PTPN9: variants seen among roughly 807,000 people sequenced by gnomAD.
PTPN9 encodes protein tyrosine phosphatase non-receptor type 9.
Under a neutral mutation model 69.8 loss-of-function variants are expected in PTPN9, and 26 were observed. The ratio of observed to expected loss-of-function variants is 0.37; its 90% CI spans 0.27 to 0.52. The LOEUF is 0.52. Among genes scored for constraint, PTPN9 ranks in the 20% least tolerant of loss-of-function variants. The pLI, the probability that PTPN9 is intolerant of heterozygous loss-of-function variation, is 0.91. For synonymous variants in PTPN9, 274 were observed against 272.5 expected (o/e 1.01, Z -0.05); for missense variants, 549 against 740.3 (o/e 0.74, Z 3.00).
In PTPN9 at chr15:75,556,855, C is replaced by T. The variant is rs2075080107; in HGVS notation, c.63+21859G>A. On this transcript the variant is annotated intron_variant, in intron 1 of 12. Transcript: ENST00000618819. ...TCTGTACCCATTAAACAATAATTCC[C>T]CCTTCCCAACTTTCCACAGCCTCTG... 3.3e-5 allele frequency among the ~76,000 whole-genome samples: 5 copies of T among 152,236 alleles called. No homozygotes were observed. In the South Asian group the frequency reaches 1.0e-3, roughly 32 times the overall value.
intron 1 of PTPN9, among the ~76,000 whole-genome samples, chr15:75,531,608 A>C (rs2074964506): frequency 6.6e-6 from 1 of 150,514 alleles, no homozygotes; most frequent in Admixed American, 6.6e-5. Flanking sequence ...TTTGAGACAG[A>C]ATCTCGCTCT....
At position 75,518,717 on chromosome 15, in the gene PTPN9, T is replaced by A. The variant is rs1235544605; in HGVS notation, c.423-1353A>T. 2.0e-5 allele frequency among the ~76,000 whole-genome samples: 3 copies of A among 151,060 alleles called. No individual in the cohort carries two copies. The East Asian group carries it at 5.9e-4, about 30-fold the overall frequency. On this transcript the variant is annotated intron_variant, in intron 4 of 12. Transcript: ENST00000618819. ...CTGTAATCCCAACTACTTGGGAGGC[T>A]GAGGCAGGAGAATTGCCTGAGCCCA...
At chr15:75,473,812 T>C (rs1027349420) in intron 9 of PTPN9, 45 bp from the exon 10 acceptor site, 2 of 1,458,774 alleles carry the variant, frequency 1.4e-6, no homozygotes, top group Admixed American at 1.8e-5. Flanking sequence ...TGGGAAACAC[T>C]TTTTTTCTTT....
chr15:75,500,344 TACAC>T lies in PTPN9; in HGVS notation c.968+5327_968+5330del, dbSNP rs35248279. Among the ~76,000 whole-genome samples the T allele has an allele frequency of 8.1e-3, 1,161 of 142,546 alleles. 11 individuals carry two copies. Among genetic ancestry groups the T allele is most frequent in the Admixed American group, 0.027 (384 of 14,140 alleles). 93.5% of individuals were successfully genotyped at this position (142,546 alleles called of 152,430 possible). ...AAATAAATAAATAAACAAACATACA[TACAC>T]ACACACACACACACACACACACATA... On this transcript the variant is annotated intron_variant, in intron 7 of 12. Transcript: ENST00000618819.
chr15:75,539,816 C>T (rs1317150625), intron 1 of PTPN9, among the ~76,000 whole-genome samples: 1 of 140,170 alleles, frequency 7.1e-6, no homozygotes, highest in Admixed American at 7.5e-5. Context: ...GGATTACAGG[C>T]GCGCACCACC....
At chr15:75,542,309 C>A (rs1193146533) in intron 1 of PTPN9, among the ~76,000 whole-genome samples, 1 of 152,152 alleles carries the variant, frequency 6.6e-6, no homozygotes. Context: ...CAAAGCCCTA[C>A]AAATCTCATC....
chr15:75,512,358 C>T (rs547935419), intron 5 of PTPN9, among the ~76,000 whole-genome samples: 159 of 152,166 alleles, frequency 1.0e-3, no homozygotes, highest in Non-Finnish European at 2.1e-3. Flanking sequence ...CACACCACCA[C>T]ATGCAGCTAA....
intron 1 of PTPN9, among the ~76,000 whole-genome samples, chr15:75,536,444 T>C (rs1271137924): frequency 1.3e-5 from 2 of 152,186 alleles, no homozygotes; most frequent in Admixed American, 6.5e-5. Flanking sequence ...ATGAACAGAA[T>C]GCTATGGGAT....
intron 1 of PTPN9, among the ~76,000 whole-genome samples, chr15:75,566,214 G>A (rs535657100): frequency 6.6e-6 from 1 of 150,380 alleles, no homozygotes; most frequent in East Asian, 2.0e-4. Context: ...TCTACCAAAG[G>A]GTCATCACCA....
intron 1 of PTPN9, among the ~76,000 whole-genome samples, chr15:75,530,028 C>T (rs1595962079): frequency 1.3e-5 from 2 of 151,206 alleles, no homozygotes; most frequent in South Asian, 4.2e-4. Context: ...ATGGTGAAAC[C>T]CCGTCTCTAC....
At chr15:75,541,695 T>A (rs546399060) in intron 1 of PTPN9, among the ~76,000 whole-genome samples, 7 of 152,090 alleles carry the variant, frequency 4.6e-5, no homozygotes, top group Non-Finnish European at 8.8e-5. Context: ...CGTGAGCCAC[T>A]GCACCTGGCC....
At chr15:75,469,336 A>G (rs1335606039) in intron 12 of PTPN9, among the ~76,000 whole-genome samples, 1 of 152,262 alleles carries the variant, frequency 6.6e-6, no homozygotes, top group East Asian at 1.9e-4. Flanking sequence ...ACAAAAACCT[A>G]TTCTCAACTT....
chr15:75,573,373 A>T (rs148752359), intron 1 of PTPN9, among the ~76,000 whole-genome samples: 12 of 152,348 alleles, frequency 7.9e-5, no homozygotes, highest in Non-Finnish European at 1.2e-4. Context: ...CAAAAACATC[A>T]TATTTGTCCT....
intron 7 of PTPN9, among the ~76,000 whole-genome samples, chr15:75,491,126 G>T (rs1270137645): frequency 6.6e-6 from 1 of 151,940 alleles, no homozygotes; most frequent in Non-Finnish European, 1.5e-5. Context: ...AGAGAAGCTG[G>T]GTGTGGTGGC....
chr15:75,526,245 G>A (rs1175659148), intron 2 of PTPN9, among the ~76,000 whole-genome samples: 2 of 151,994 alleles, frequency 1.3e-5, no homozygotes, highest in Non-Finnish European at 2.9e-5. Flanking sequence ...ACCTGCCTTG[G>A]CCTCCCAAAG....
intron 1 of PTPN9, among the ~76,000 whole-genome samples, chr15:75,572,754 C>G (rs1209221507): frequency 6.6e-6 from 1 of 151,940 alleles, no homozygotes; most frequent in Non-Finnish European, 1.5e-5. Flanking sequence ...CTTTCACAAG[C>G]CTTCTTGTGC....
At chr15:75,557,540 G>A (rs1287510542) in intron 1 of PTPN9, among the ~76,000 whole-genome samples, 3 of 152,068 alleles carry the variant, frequency 2.0e-5, no homozygotes, top group Non-Finnish European at 2.9e-5. Context: ...TGAAATTTCT[G>A]GGTAATATGG....
At chr15:75,550,158 CCT>C (rs1295100760) in intron 1 of PTPN9, among the ~76,000 whole-genome samples, 1 of 149,888 alleles carries the variant, frequency 6.7e-6, no homozygotes, top group Admixed American at 6.6e-5. Flanking sequence ...CTGATAAACC[CCT>C]GTGGTAGTTT....
chr15:75,473,783 A>G lies in PTPN9; in HGVS notation c.1130-16T>C. 1.4e-5 allele frequency: 21 copies of G among 1,537,734 alleles called. No individual in the cohort carries two copies. Among genetic ancestry groups the G allele is most frequent in the Non-Finnish European group, 1.8e-5 (20 of 1,111,452 alleles). ...TCCAAAGGACCTGAAATAAAAGGAG[A>G]AGACAAGAAACATGACTCTGGGAAA... On this transcript the variant is annotated splice_polypyrimidine_tract_variant and intron_variant, in intron 9 of 12. Coordinates refer to ENST00000618819, the MANE Select transcript of PTPN9 (RefSeq NM_002833.4).
Sources: gnomAD v4.1 joint callset for allele counts (sites outside exome capture counted in the v4.1 genomes callset) on GRCh38, gnomAD v4.1.1 for gene constraint, MANE v1.5 for transcripts, NCBI Gene and HGNC (gene_info 2026-07-23, HGNC 2026-07-21) for gene names.